Variants in LIPA observed in about 807,000 individuals in gnomAD.
The protein encoded by LIPA is lysosomal acid lipase/cholesteryl ester hydrolase.
A neutral mutation model predicts 40.6 loss-of-function variants in LIPA; 26 were observed. The observed-to-expected ratio is 0.64, with a 90% CI of 0.47 to 0.89. The LOEUF is 0.89. LIPA is among the 40% of genes least tolerant of loss of function. The pLI is 0.00. For synonymous variants in LIPA, 188 were observed against 168.4 expected, an observed-to-expected ratio of 1.12 and a Z score of -0.90; for missense variants, 455 against 479.6, an observed-to-expected ratio of 0.95 and a Z score of 0.48.
chr10:89,312,374 G>T (rs547056780), intron 1 of LIPA, among the ~76,000 whole-genome samples: 3 of 152,054 alleles, frequency 2.0e-5, no homozygotes, highest in Admixed American at 2.0e-4. Flanking sequence ...CCAGGAGGTG[G>T]GGGCTTCAGT....
At chr10:89,261,865 C>T (rs1179740894) in intron 1 of LIPA, among the ~76,000 whole-genome samples, 1 of 152,164 alleles carries the variant, frequency 6.6e-6, no homozygotes, top group African/African-American at 2.4e-5. Context: ...TCCTGAGCTC[C>T]CCTCCCTATC....
At chr10:89,251,575 C>T (rs181023304) in intron 1 of LIPA, among the ~76,000 whole-genome samples, 162 bp downstream of exon 1, 571 of 152,312 alleles carry the variant, frequency 3.7e-3, no homozygotes, top group Non-Finnish European at 6.3e-3. Flanking sequence ...CCAACGCCCG[C>T]AGAAAAAGCA....
intron 1 of LIPA, among the ~76,000 whole-genome samples, chr10:89,327,024 C>T (rs146208290): frequency 3.9e-5 from 6 of 152,142 alleles, no homozygotes; most frequent in South Asian, 2.1e-4. Flanking sequence ...AACAGGGAAG[C>T]GGGGCAGCTT....
intron 1 of LIPA, among the ~76,000 whole-genome samples, chr10:89,296,539 A>T (rs886815141): frequency 6.6e-6 from 1 of 151,784 alleles, no homozygotes; most frequent in Non-Finnish European, 1.5e-5. Context: ...ACAGAAAAGG[A>T]ACTTGAAACT....
chr10:89,271,883 C>T (rs1027478949), intron 1 of LIPA, among the ~76,000 whole-genome samples: 5 of 151,166 alleles, frequency 3.3e-5, no homozygotes, highest in African/African-American at 1.2e-4. Flanking sequence ...GACAACATAT[C>T]AAAACCCCAA....
chr10:89,332,733 A>G (rs192895313), intron 1 of LIPA: 61 of 1,168,344 alleles, frequency 5.2e-5, no homozygotes, highest in Non-Finnish European at 3.8e-6. Context: ...CATTTATCTA[A>G]TTCAAGCATA....
intron 4 of LIPA, 62 bp downstream of exon 4, chr10:89,228,138 C>G: frequency 1.4e-6 from 2 of 1,391,140 alleles, no homozygotes; most frequent in Non-Finnish European, 2.0e-6. Context: ...CTGCTGGAAG[C>G]CTGTTGTCTG....
chr10:89,305,487 G>T (rs1217093016), intron 1 of LIPA, among the ~76,000 whole-genome samples: 1 of 151,524 alleles, frequency 6.6e-6, no homozygotes, highest in African/African-American at 2.4e-5. Context: ...CATTTCGGAG[G>T]GATGAGAAAT....
chr10:89,315,239 T>C (rs1487094801), intron 1 of LIPA, among the ~76,000 whole-genome samples: 1 of 152,246 alleles, frequency 6.6e-6, no homozygotes. Context: ...CCATTTATGA[T>C]ATCACAAATA....
intron 2 of LIPA, among the ~76,000 whole-genome samples, chr10:89,349,595 CA>C (rs1173111312): frequency 6.6e-6 from 1 of 152,134 alleles, no homozygotes; most frequent in Non-Finnish European, 1.5e-5. Flanking sequence ...ATCATTTTCA[CA>C]GATTGAAACT....
At chr10:89,412,069 C>G (rs1383025068) in intron 2 of LIPA, among the ~76,000 whole-genome samples, 1 of 152,210 alleles carries the variant, frequency 6.6e-6, no homozygotes, top group Non-Finnish European at 1.5e-5. Context: ...CCTGCTGGCC[C>G]TTCCACTGGC....
intron 2 of LIPA, among the ~76,000 whole-genome samples, chr10:89,351,053 C>T (rs542619232): frequency 4.1e-4 from 62 of 152,340 alleles, no homozygotes; most frequent in South Asian, 1.9e-3. Flanking sequence ...CAGTGGCTCA[C>T]GCCTGTAATC....
intron 1 of LIPA, chr10:89,339,743 G>A (rs186350899): frequency 2.5e-5 from 40 of 1,614,144 alleles, no homozygotes; most frequent in Admixed American, 1.3e-4. Context: ...TCCCATCAGC[G>A]CTACTGCAAC....
intron 1 of LIPA, among the ~76,000 whole-genome samples, chr10:89,324,298 A>G (rs1589600992): frequency 6.6e-6 from 1 of 152,214 alleles, no homozygotes. Context: ...TGTTCAATAA[A>G]GGGTGCTGGG....
intron 2 of LIPA, among the ~76,000 whole-genome samples, chr10:89,390,026 G>C (rs961241992): frequency 8.4e-5 from 12 of 142,126 alleles, no homozygotes; most frequent in Non-Finnish European, 1.8e-4. Context: ...TTGTTGCCCA[G>C]GCTGGAGTGC....
intron 1 of LIPA, among the ~76,000 whole-genome samples, chr10:89,297,054 C>T (rs1843419532): frequency 6.6e-6 from 1 of 152,090 alleles, no homozygotes; most frequent in Admixed American, 6.5e-5. Context: ...TCGAATAGAA[C>T]ATCTAGGAGA....
chr10:89,363,851 A>G (rs899998584), intron 2 of LIPA, among the ~76,000 whole-genome samples: 1 of 152,060 alleles, frequency 6.6e-6, no homozygotes, highest in Non-Finnish European at 1.5e-5. Context: ...GAGGAAAAAA[A>G]TTTTAGTGCT....
At chr10:89,288,014 T>C (rs1224006865) in intron 1 of LIPA, among the ~76,000 whole-genome samples, 1 of 152,190 alleles carries the variant, frequency 6.6e-6, no homozygotes, top group Non-Finnish European at 1.5e-5. Flanking sequence ...TCACTTTCAC[T>C]TGGACTGACC....
chr10:89,238,059 TA>T (rs1286561934), intron 3 of LIPA, among the ~76,000 whole-genome samples: 1 of 152,218 alleles, frequency 6.6e-6, no homozygotes, highest in Non-Finnish European at 1.5e-5. Flanking sequence ...CCTGAAACAA[TA>T]AATTCCTGCT....
Sources: gnomAD v4.1 joint callset for allele counts (sites outside exome capture counted in the v4.1 genomes callset) on GRCh38, gnomAD v4.1.1 for gene constraint, MANE v1.5 for transcripts, NCBI Gene and HGNC (gene_info 2026-07-23, HGNC 2026-07-21) for gene names.